The following ADAMTSL1 variants were observed in gnomAD, a reference collection of about 807,000 sequenced individuals.
ADAMTSL1 encodes the protein ADAMTS-like protein 1.
In ADAMTSL1, 126 loss-of-function variants were observed where a neutral mutation model predicts 201.8. The observed-to-expected ratio is 0.62, with a 90% CI of 0.54 to 0.72. ADAMTSL1 has a LOEUF of 0.72. ADAMTSL1 is among the 30% of genes least tolerant of loss of function. The pLI is 0.00. For missense variants in ADAMTSL1, 2,679 were observed against 2,277.8 expected, an observed-to-expected ratio of 1.18 and a Z score of -3.59; for synonymous variants, 1,121 against 903.4, an observed-to-expected ratio of 1.24 and a Z score of -4.32.
chr9:18,620,014 G>GATT lies in ADAMTSL1; in HGVS notation c.475-2228_475-2226dup, dbSNP rs1332430012. 2.8e-3 allele frequency among the ~76,000 whole-genome samples: 288 copies of GATT among 103,692 alleles called. 5 individuals are homozygous for GATT. The highest frequency in any genetic ancestry group is 5.3e-3 in the Middle Eastern group (1 of 188). The allele number at this position is 103,692 out of a possible 152,430, so 68.0% of individuals were successfully genotyped here. A position where few individuals can be genotyped will look rare whatever the true frequency, so the allele number is the denominator to read the frequency against. ...AAGGCAATTAGGTTATCAGTTTTCT[G>GATT]ATTTTTTTTTTTTTTTTTTTTTTTG... On this transcript the variant is annotated intron_variant, in intron 4 of 28. Coordinates refer to ENST00000380548, the MANE Select transcript of ADAMTSL1 (RefSeq NM_001040272.6).
In ADAMTSL1 at chr9:18,032,254, G is replaced by C. The variant is rs115426345; in HGVS notation, c.87+125332G>C. 7.0e-3 allele frequency among the ~76,000 whole-genome samples: 1,063 copies of C among 152,280 alleles called. 12 individuals carry two copies. Among genetic ancestry groups the C allele is most frequent in the African/African-American group, 0.024 (1,011 of 41,560 alleles). On this transcript the variant is annotated intron_variant, in intron 1 of 29. Coordinates refer to the ADAMTSL1 transcript ENST00000680146. ...CCTCACTCTTCTTTGTGTCCCAAGA[G>C]TGGTGGCTCCTCCTCTGCCCAAGCT...
chr9:18,227,857 A>T (rs1247478453), intron 2 of ADAMTSL1, among the ~76,000 whole-genome samples: 2 of 152,192 alleles, frequency 1.3e-5, no homozygotes, highest in African/African-American at 4.8e-5. Context: ...CCTTAAGGAT[A>T]CTGTGTCTTT....
chr9:18,154,590 G>C (rs1827067879), intron 1 of ADAMTSL1, among the ~76,000 whole-genome samples: 1 of 151,960 alleles, frequency 6.6e-6, no homozygotes, highest in Non-Finnish European at 1.5e-5. Context: ...CCCTTAACAG[G>C]AACAACATAT....
At chr9:18,246,023 A>G (rs1831247392) in intron 2 of ADAMTSL1, among the ~76,000 whole-genome samples, 1 of 152,098 alleles carries the variant, frequency 6.6e-6, no homozygotes, top group South Asian at 2.1e-4. Flanking sequence ...ATTCAAAGTT[A>G]TTTCATCCTA....
intron 1 of ADAMTSL1, among the ~76,000 whole-genome samples, chr9:18,030,264 G>A (rs1398416925): frequency 6.6e-6 from 1 of 152,112 alleles, no homozygotes; most frequent in Non-Finnish European, 1.5e-5. Flanking sequence ...GGATGAAACT[G>A]GAAACCATCA....
intron 2 of ADAMTSL1, among the ~76,000 whole-genome samples, chr9:18,238,682 A>C (rs778031889): frequency 2.3e-4 from 35 of 152,072 alleles, no homozygotes; most frequent in Admixed American, 5.9e-4. Context: ...AAATGACATA[A>C]CTTTTTTTCT....
At chr9:18,182,576 C>T (rs1828545722) in intron 2 of ADAMTSL1, among the ~76,000 whole-genome samples, 1 of 152,152 alleles carries the variant, frequency 6.6e-6, no homozygotes, top group Non-Finnish European at 1.5e-5. Flanking sequence ...TGATGCTGGC[C>T]TGTAAGGCAA....
chr9:18,087,178 A>T (rs982833973), intron 1 of ADAMTSL1, among the ~76,000 whole-genome samples: 2 of 152,114 alleles, frequency 1.3e-5, no homozygotes, highest in African/African-American at 4.8e-5. Context: ...TTTCAGTCAT[A>T]ACCTTTTCTT....
Position 18,681,946 on chromosome 9 carries a change from C to G in ADAMTSL1, c.1476C>G (p.Cys492Trp), listed in dbSNP as rs1830528831. ...AGGAATGCATCGTACCCACTCCCTG[C>G]TATAAACCCAAAGGTAACTTGACAG... ...IKEECIVPTP[C>W]YKPKEKLPVE... The change falls in exon 12 of 29, where the codon TGC becomes TGG. Residue 492 changes from cysteine (C) to tryptophan (W), a missense_variant. Cys to Trp is a radical substitution (Grantham distance 215). Transcript: ENST00000380548. 6.2e-7 allele frequency: 1 copy of G among 1,613,970 alleles called. No individual in the cohort carries two copies. The highest frequency in any genetic ancestry group is 1.3e-5 in the African/African-American group (1 of 74,920).
At chr9:18,901,158 A>C (rs1377145481) in intron 26 of ADAMTSL1, among the ~76,000 whole-genome samples, 1 of 152,056 alleles carries the variant, frequency 6.6e-6, no homozygotes, top group East Asian at 1.9e-4. Flanking sequence ...TAAAAAAAAA[A>C]AAGAAAAATT....
intron 1 of ADAMTSL1, among the ~76,000 whole-genome samples, chr9:18,065,086 A>G (rs920384294): frequency 6.0e-5 from 9 of 150,850 alleles, no homozygotes; most frequent in African/African-American, 2.0e-4. Context: ...GGGGAAAACA[A>G]CTTCAAACTT....
intron 1 of ADAMTSL1, among the ~76,000 whole-genome samples, chr9:17,928,702 G>A (rs1826654516): frequency 6.6e-6 from 1 of 152,138 alleles, no homozygotes; most frequent in Non-Finnish European, 1.5e-5. Flanking sequence ...TTGAGGCCAG[G>A]AGTTCAAGAC....
At chr9:18,716,966 T>C (rs1169908359) in intron 14 of ADAMTSL1, among the ~76,000 whole-genome samples, 1 of 135,252 alleles carries the variant, frequency 7.4e-6, no homozygotes, top group Non-Finnish European at 1.7e-5. Context: ...GAAATCATCA[T>C]TCTCAGTAAA....
chr9:18,653,296 C>A (rs1828412576), intron 7 of ADAMTSL1, among the ~76,000 whole-genome samples: 2 of 152,210 alleles, frequency 1.3e-5, no homozygotes, highest in South Asian at 2.1e-4. Context: ...CTGTCCTCCT[C>A]CTCCATCTGA....
chr9:18,895,706 A>G lies in ADAMTSL1; in HGVS notation c.4851+3110A>G, dbSNP rs553528551. Among the ~76,000 whole-genome samples the G allele has an allele frequency of 3.9e-5, 6 of 152,296 alleles. No individual in the cohort carries two copies. The East Asian group carries it at 1.2e-3, about 29-fold the overall frequency. On this transcript the variant is annotated intron_variant, in intron 26 of 28. Coordinates refer to ENST00000380548, the MANE Select transcript of ADAMTSL1 (RefSeq NM_001040272.6). ...GACCTTACGCTTTCACCTCAGACTG[A>G]TTACTATGCTCAGAGTATACCCAGC...
At chr9:18,907,015 T>C (rs1450568729) in intron 28 of ADAMTSL1, 103 bp downstream of exon 28, 2 of 1,331,502 alleles carry the variant, frequency 1.5e-6, no homozygotes, top group Non-Finnish European at 2.1e-6. Context: ...TGGGGTCAGC[T>C]TCCCCAGGGA....
chr9:18,264,318 A>G lies in ADAMTSL1; in HGVS notation c.207+100337A>G, dbSNP rs144872430. Among the ~76,000 whole-genome samples, 1,462 of 152,074 alleles carry G rather than the reference A, an allele frequency of 9.6e-3. 28 individuals are homozygous for G. The highest frequency in any genetic ancestry group is 0.024 in the Middle Eastern group (7 of 294). On this transcript the variant is annotated intron_variant, in intron 2 of 29. Coordinates refer to the ADAMTSL1 transcript ENST00000680146. ...TCTAGCTTGAAATTTCTCTTAATCGATCCTTAACTTCCAATGTATATTCTA... is the reference window on the plus strand; with the variant it reads ...TCTAGCTTGAAATTTCTCTTAATCGGTCCTTAACTTCCAATGTATATTCTA...
intron 16 of ADAMTSL1, among the ~76,000 whole-genome samples, chr9:18,763,742 G>A (rs1310104685): frequency 6.6e-6 from 1 of 152,130 alleles, no homozygotes; most frequent in African/African-American, 2.4e-5. Flanking sequence ...TGAAGAAACT[G>A]TCTTTTCCCC....
chr9:17,953,940 G>T (rs562881892), intron 1 of ADAMTSL1, among the ~76,000 whole-genome samples: 1 of 152,142 alleles, frequency 6.6e-6, no homozygotes, highest in African/African-American at 2.4e-5. Context: ...CCCCTTGAAG[G>T]GTCCATATGT....
Sources: allele counts gnomAD v4.1 joint callset (sites outside exome capture counted in the v4.1 genomes callset), GRCh38; gene constraint gnomAD v4.1.1; transcripts MANE v1.5; gene names NCBI Gene and HGNC (gene_info 2026-07-23, HGNC 2026-07-21).